The following RBM24 variants were observed in gnomAD, a reference collection of about 807,000 sequenced individuals.
The protein encoded by RBM24 is RNA binding motif protein 24, also known as RNA-binding protein 24.
A neutral mutation model predicts 23.6 loss-of-function variants in RBM24; 5 were observed. The observed-to-expected ratio is 0.21, with a 90% CI of 0.11 to 0.45. RBM24 has a LOEUF of 0.45. Ranked by LOEUF, RBM24 falls within the 20% of genes least tolerant of loss-of-function variation. The pLI is 0.99. For synonymous variants in RBM24, 151 were observed against 129.5 expected (o/e 1.17, Z -1.13); for missense variants, 252 against 314.6 (o/e 0.80, Z 1.51).
chr6:17,287,659 A>T (rs1760235138), intron 3 of RBM24, among the ~76,000 whole-genome samples: 1 of 151,936 alleles, frequency 6.6e-6, no homozygotes, highest in South Asian at 2.1e-4. Flanking sequence ...AAATACAAAA[A>T]ATTAGCTGGG....
At chr6:17,290,178 A>G in intron 3 of RBM24, 1 of 982,998 alleles carries the variant, frequency 1.0e-6, no homozygotes. Context: ...AAACTCTGAA[A>G]AGGCAAAGCA....
intron 3 of RBM24, among the ~76,000 whole-genome samples, chr6:17,286,981 A>T (rs1218510742): frequency 1.3e-5 from 2 of 152,256 alleles, no homozygotes; most frequent in Admixed American, 1.3e-4. Context: ...GTGTTTTGAT[A>T]GCAACCTTTT....
Position 17,292,203 on chromosome 6 carries a change from T to C in RBM24, c.*84T>C, listed in dbSNP as rs943203297. The C allele has an allele frequency of 1.5e-4, 195 of 1,302,904 alleles. No homozygotes were observed. Among genetic ancestry groups the C allele is most frequent in the Non-Finnish European group, 1.9e-4 (188 of 976,358 alleles). 80.7% of individuals were successfully genotyped at this position (1,302,904 alleles called of 1,614,324 possible). A position where few individuals can be genotyped will look rare whatever the true frequency, so the allele number is the denominator to read the frequency against. ...TAGTAGCTAATAAGAGAGTTAACAT[T>C]GACTTAACAGCTTTAAAAAAAAAAA... On this transcript the variant is annotated 3_prime_UTR_variant, in exon 4 of 4. Coordinates refer to ENST00000379052, the MANE Select transcript of RBM24 (RefSeq NM_001143942.2).
intron 1 of RBM24, chr6:17,282,157 G>T: frequency 8.0e-7 from 1 of 1,246,804 alleles, no homozygotes; most frequent in Non-Finnish European, 1.0e-6. Context: ...GGCAGGGAGG[G>T]GACACCCCAC....
chr6:17,283,146 G>C (rs531945334), intron 2 of RBM24: 5 of 511,962 alleles, frequency 9.8e-6, no homozygotes, highest in Non-Finnish European at 1.8e-5. Flanking sequence ...GGATCTTGGG[G>C]GTCGTGCAGG....
chr6:17,282,077 C>T (rs1760035296), intron 1 of RBM24: 6 of 1,243,014 alleles, frequency 4.8e-6, no homozygotes, highest in Non-Finnish European at 5.1e-6. Context: ...ATTGCATTCC[C>T]GGGCTGGATG....
In RBM24 at chr6:17,292,227, A is replaced by AAAT; in HGVS notation, c.*109_*110insATA. 9.2e-7 allele frequency: 1 copy of AAAT among 1,085,454 alleles called. No homozygotes were observed. Among genetic ancestry groups the AAAT allele is most frequent in the Admixed American group, 2.5e-5 (1 of 40,012 alleles). The allele number at this position is 1,085,454 out of a possible 1,614,324, so 67.2% of individuals were successfully genotyped here. A position where few individuals can be genotyped will look rare whatever the true frequency, so the allele number is the denominator to read the frequency against. ...TTGACTTAACAGCTTTAAAAAAAAA[A>AAAT]ACAGCCATGCTATTGTGAAGCAGAG... On this transcript the variant is annotated 3_prime_UTR_variant, in exon 4 of 4. Transcript: ENST00000379052.
intron 3 of RBM24, 55 bp downstream of exon 3, chr6:17,284,766 G>T (rs1760143627): frequency 1.5e-6 from 2 of 1,326,210 alleles, no homozygotes; most frequent in Non-Finnish European, 2.2e-6. Context: ...ATTTGTTAAC[G>T]TGCCTCTTTG....
chr6:17,281,962 G>A lies in RBM24; in HGVS notation c.168+213G>A. On this transcript the variant is annotated intron_variant, in intron 1 of 3. Coordinates refer to ENST00000379052, the MANE Select transcript of RBM24 (RefSeq NM_001143942.2). The surrounding 1 kb of genome is among the most constrained non-coding windows in gnomAD (Gnocchi z 7.1). Reference sequence around the variant, plus strand: ...TCGGAGAAGACCCAGCGCTGTGCGAGGTCGGGGGCCGGGCAGGGCAGAGCA... The same window carrying A: ...TCGGAGAAGACCCAGCGCTGTGCGAAGTCGGGGGCCGGGCAGGGCAGAGCA... The A allele has an allele frequency of 2.9e-6, 4 of 1,368,918 alleles. No individual in the cohort carries two copies. The highest frequency in any genetic ancestry group is 1.5e-5 in the South Asian group (1 of 66,094). 84.8% of individuals were successfully genotyped at this position (1,368,918 alleles called of 1,614,324 possible).
chr6:17,291,705 C>G (rs1760363106), intron 3 of RBM24, 51 bp from the exon 4 acceptor site: 2 of 1,543,588 alleles, frequency 1.3e-6, no homozygotes, highest in East Asian at 2.3e-5. Flanking sequence ...GAACAACATG[C>G]TACAGTTAGG....
At chr6:17,282,715 C>T in intron 1 of RBM24, 90 bp from the exon 2 acceptor site, 3 of 1,472,854 alleles carry the variant, frequency 2.0e-6, no homozygotes, top group Non-Finnish European at 2.7e-6. Context: ...TCAGTTTTAT[C>T]ATGAATGACT....
At chr6:17,282,642 A>C (rs1270617349) in intron 1 of RBM24, 163 bp from the exon 2 acceptor site, 1 of 470,236 alleles carries the variant, frequency 2.1e-6, no homozygotes, top group East Asian at 6.8e-5. Context: ...CGCCTGTTAA[A>C]AATGGGAGAT....
At chr6:17,289,649 G>A (rs1581435634) in intron 3 of RBM24, 1 of 985,406 alleles carries the variant, frequency 1.0e-6, no homozygotes, top group African/African-American at 1.7e-5. Flanking sequence ...AACTTTGAGA[G>A]TACAAGGGGT....
Position 17,283,165 on chromosome 6 carries a change from T to G in RBM24, c.292+237T>G, listed in dbSNP as rs73723637. The G allele has an allele frequency of 8.9e-3, 4,413 of 496,100 alleles. 138 individuals carry two copies. The highest frequency in any genetic ancestry group is 0.074 in the African/African-American group (3,824 of 51,962). The allele number at this position is 496,100 out of a possible 1,614,324, so 30.7% of individuals were successfully genotyped here. A position where few individuals can be genotyped will look rare whatever the true frequency, so the allele number is the denominator to read the frequency against. On this transcript the variant is annotated intron_variant, in intron 2 of 3. Transcript: ENST00000379052. ...CTTGGGGGTCGTGCAGGAAGAAGAG[T>G]TAGTCATGTCTCACCTGTTTCCTAT... is the stretch of plus-strand genomic sequence containing the variant.
chr6:17,289,022 T>C, intron 3 of RBM24: 2 of 985,420 alleles, frequency 2.0e-6, no homozygotes, highest in Non-Finnish European at 2.4e-6. Flanking sequence ...CATAGAGATG[T>C]CAGTGGAACC....
intron 2 of RBM24, among the ~76,000 whole-genome samples, chr6:17,284,306 A>G (rs1418213528): frequency 1.3e-5 from 2 of 152,236 alleles, no homozygotes; most frequent in African/African-American, 4.8e-5. Context: ...AAGACTTTTC[A>G]TAGATTCTGG....
At chr6:17,287,670 C>T (rs553611623) in intron 3 of RBM24, among the ~76,000 whole-genome samples, 8 of 152,008 alleles carry the variant, frequency 5.3e-5, no homozygotes, top group African/African-American at 1.4e-4. Flanking sequence ...ATTAGCTGGG[C>T]GTGGTGGTGG....
intron 3 of RBM24, among the ~76,000 whole-genome samples, chr6:17,287,180 C>T (rs1760221683): frequency 6.6e-6 from 1 of 152,152 alleles, no homozygotes; most frequent in African/African-American, 2.4e-5. Flanking sequence ...CCTAACAAAT[C>T]ACACCTGGTC....
intron 2 of RBM24, 21 bp from the exon 3 acceptor site, chr6:17,284,636 T>C: frequency 6.3e-7 from 1 of 1,595,344 alleles, no homozygotes; most frequent in Non-Finnish European, 8.6e-7. Flanking sequence ...AAATAAAGAA[T>C]GTGGTATATT....
Sources: allele counts gnomAD v4.1 joint callset (sites outside exome capture counted in the v4.1 genomes callset), GRCh38; gene constraint gnomAD v4.1.1; non-coding constraint Gnocchi (gnomAD v3.1); transcripts MANE v1.5; gene names NCBI Gene and HGNC (gene_info 2026-07-23, HGNC 2026-07-21).